Variants in PDZRN4 observed in about 807,000 individuals in gnomAD.
The protein encoded by PDZRN4 is PDZ domain containing ring finger 4, also known as PDZ domain-containing RING finger protein 4.
In PDZRN4, 70 loss-of-function variants were observed where a neutral mutation model predicts 99.0. The ratio of observed to expected loss-of-function variants is 0.71; its 90% confidence interval spans 0.58 to 0.86. PDZRN4 has a LOEUF of 0.86. Ranked by LOEUF, PDZRN4 falls within the 40% of genes least tolerant of loss-of-function variation. The probability of loss-of-function intolerance (pLI) is 0.00; values close to 1 mark genes in which losing one functional copy is unlikely to be tolerated. For missense variants in PDZRN4, 1,474 were observed against 1,331.2 expected (o/e 1.11, Z -1.67); for synonymous variants, 551 against 501.6 (o/e 1.10, Z -1.32).
chr12:41,331,075 C>T (rs749718560), intron 3 of PDZRN4, among the ~76,000 whole-genome samples: 2 of 152,058 alleles, frequency 1.3e-5, no homozygotes, highest in Non-Finnish European at 2.9e-5. Context: ...AGACTAACAT[C>T]GCAAATTGCA....
chr12:41,377,895 G>C (rs1235935909), intron 3 of PDZRN4, among the ~76,000 whole-genome samples: 1 of 151,774 alleles, frequency 6.6e-6, no homozygotes, highest in African/African-American at 2.4e-5. Flanking sequence ...GAATCTTTAG[G>C]GTTTTCTACA....
chr12:41,402,662 C>T (rs28565003), intron 3 of PDZRN4, among the ~76,000 whole-genome samples: 38 of 12,984 alleles, frequency 2.9e-3, no homozygotes, highest in African/African-American at 8.5e-3. Context: ...TGAGTATATA[C>T]ATATATATAT....
chr12:41,268,490 A>G (rs991651739), intron 3 of PDZRN4, among the ~76,000 whole-genome samples: 3 of 152,248 alleles, frequency 2.0e-5, no homozygotes, highest in African/African-American at 7.2e-5. Flanking sequence ...CAAAGGATAA[A>G]GGTTAAACAA....
chr12:41,528,720 T>C (rs999528922), intron 5 of PDZRN4, among the ~76,000 whole-genome samples: 1 of 152,170 alleles, frequency 6.6e-6, no homozygotes, highest in African/African-American at 2.4e-5. Context: ...AGAAAGAAAA[T>C]AACAGTTCTT....
intron 3 of PDZRN4, among the ~76,000 whole-genome samples, chr12:41,387,497 A>G (rs1227009760): frequency 6.6e-6 from 1 of 152,178 alleles, no homozygotes; most frequent in Admixed American, 6.5e-5. Flanking sequence ...AGGCAGGAGT[A>G]TAGCTTGAAC....
intron 3 of PDZRN4, among the ~76,000 whole-genome samples, chr12:41,418,462 A>T (rs147541547): frequency 6.6e-6 from 1 of 152,326 alleles, no homozygotes; most frequent in Non-Finnish European, 1.5e-5. Flanking sequence ...CCAACCTTAA[A>T]AATGGCCCTA....
chr12:41,294,057 GGTTTTT>G (rs1206420547), intron 3 of PDZRN4, among the ~76,000 whole-genome samples: 1 of 152,060 alleles, frequency 6.6e-6, no homozygotes. Flanking sequence ...GTTGTTGTGG[GGTTTTT>G]GTTTTTGTTT....
chr12:41,559,574 A>C (rs896517800), intron 7 of PDZRN4, among the ~76,000 whole-genome samples: 1 of 152,048 alleles, frequency 6.6e-6, no homozygotes, highest in Admixed American at 6.6e-5. Context: ...TAAGCCTCCT[A>C]ATCTCATGTT....
chr12:41,304,560 A>G (rs1228812440), intron 3 of PDZRN4, among the ~76,000 whole-genome samples: 1 of 152,208 alleles, frequency 6.6e-6, no homozygotes, highest in African/African-American at 2.4e-5. Context: ...TCATTGTAAG[A>G]GCTAAGATTT....
intron 3 of PDZRN4, among the ~76,000 whole-genome samples, chr12:41,469,042 T>C (rs1444478073): frequency 2.6e-5 from 4 of 152,122 alleles, no homozygotes; most frequent in African/African-American, 7.2e-5. Flanking sequence ...TCAAATCATC[T>C]GACCTTGCAC....
chr12:41,412,309 G>A (rs1050977597), intron 3 of PDZRN4: 5 of 152,208 alleles, frequency 3.3e-5, no homozygotes, highest in Admixed American at 2.6e-4. Context: ...GCACGAAGGA[G>A]AAAAGGGTGA....
At chr12:41,495,137 G>A (rs1279262678) in intron 3 of PDZRN4, among the ~76,000 whole-genome samples, 1 of 151,812 alleles carries the variant, frequency 6.6e-6, no homozygotes, top group Non-Finnish European at 1.5e-5. Flanking sequence ...GTTTGTGCAT[G>A]TGTGTGTGTG....
intron 3 of PDZRN4, among the ~76,000 whole-genome samples, chr12:41,398,006 C>A (rs1303530011): frequency 2.0e-5 from 3 of 151,972 alleles, no homozygotes; most frequent in Non-Finnish European, 1.5e-5. Flanking sequence ...GCCCGGGGGA[C>A]CTTGGGAAGG....
chr12:41,228,536 G>A (rs1345295794), intron 3 of PDZRN4, among the ~76,000 whole-genome samples: 1 of 152,212 alleles, frequency 6.6e-6, no homozygotes, highest in Admixed American at 6.6e-5. Context: ...AAAAGAAAGT[G>A]TATGGTGGAT....
chr12:41,515,931 A>C (rs377309726), intron 5 of PDZRN4, among the ~76,000 whole-genome samples: 3 of 151,614 alleles, frequency 2.0e-5, no homozygotes, highest in African/African-American at 7.3e-5. Flanking sequence ...GGTCCTTGGA[A>C]CCCTCTCACC....
chr12:41,194,624 G>A (rs1256153456), intron 3 of PDZRN4, among the ~76,000 whole-genome samples: 1 of 152,160 alleles, frequency 6.6e-6, no homozygotes, highest in African/African-American at 2.4e-5. Flanking sequence ...TCTAGCCTAG[G>A]CAACAGAGCA....
chr12:41,568,821 T>TAC (rs1225291363), intron 9 of PDZRN4, among the ~76,000 whole-genome samples: 2 of 151,082 alleles, frequency 1.3e-5, no homozygotes, highest in Non-Finnish European at 2.9e-5. Context: ...ATTATATATA[T>TAC]ATATACGGAA....
At chr12:41,197,212 G>C (rs1488161147) in intron 3 of PDZRN4, among the ~76,000 whole-genome samples, 1 of 152,022 alleles carries the variant, frequency 6.6e-6, no homozygotes, top group East Asian at 1.9e-4. Context: ...TGAAGAGGAA[G>C]TAGACATGTT....
chr12:41,288,202 C>A (rs917684798), intron 3 of PDZRN4, among the ~76,000 whole-genome samples: 1 of 152,112 alleles, frequency 6.6e-6, no homozygotes, highest in Non-Finnish European at 1.5e-5. Flanking sequence ...ATAAACGCAG[C>A]CTCTCCCCTG....
Sources: gnomAD v4.1 joint callset for allele counts (sites outside exome capture counted in the v4.1 genomes callset) on GRCh38, gnomAD v4.1.1 for gene constraint, MANE v1.5 for transcripts, NCBI Gene and HGNC (gene_info 2026-07-23, HGNC 2026-07-21) for gene names.